CTNNA3: variants seen among roughly 807,000 people sequenced by gnomAD.
CTNNA3 encodes the protein catenin alpha-3.
A neutral mutation model predicts 95.7 loss-of-function variants in CTNNA3; 76 were observed. That is an observed-to-expected ratio of 0.79 (90% CI 0.66 to 0.96). The LOEUF (loss-of-function observed/expected upper bound fraction) is 0.96. CTNNA3 is among the 40% of genes least tolerant of loss of function. The probability of loss-of-function intolerance (pLI) is 0.00; values close to 1 mark genes in which losing one functional copy is unlikely to be tolerated. For missense variants in CTNNA3, 1,191 were observed against 1,089.8 expected (o/e 1.09, Z -1.31); for synonymous variants, 431 against 374.4 (o/e 1.15, Z -1.74).
At chr10:66,407,231 G>T (rs1049659222) in intron 11 of CTNNA3, among the ~76,000 whole-genome samples, 2 of 149,642 alleles carry the variant, frequency 1.3e-5, no homozygotes, top group Non-Finnish European at 3.0e-5. Context: ...AGGAAAGGAA[G>T]ATTTGAGTCA....
At chr10:67,619,732 C>T (rs1180999600) in intron 2 of CTNNA3, among the ~76,000 whole-genome samples, 2 of 152,140 alleles carry the variant, frequency 1.3e-5, no homozygotes, top group Admixed American at 6.5e-5. Flanking sequence ...GCTGTAATGG[C>T]TCTCAACTAA....
At chr10:66,106,344 TGTGTGTGTG>T in intron 13 of CTNNA3, among the ~76,000 whole-genome samples, 1 of 22,894 alleles carries the variant, frequency 4.4e-5, no homozygotes, top group Non-Finnish European at 9.5e-5. Context: ...TGTTTGTGTG[TGTGTGTGTG>T]TGTGTGTGTG....
At chr10:66,227,776 G>A (rs947579157) in intron 13 of CTNNA3, among the ~76,000 whole-genome samples, 1 of 152,064 alleles carries the variant, frequency 6.6e-6, no homozygotes, top group Non-Finnish European at 1.5e-5. Context: ...GTAGAATTTA[G>A]CAGTGAAGTC....
chr10:67,062,012 A>G (rs1316704961), intron 7 of CTNNA3, among the ~76,000 whole-genome samples: 1 of 152,200 alleles, frequency 6.6e-6, no homozygotes, highest in Admixed American at 6.5e-5. Flanking sequence ...CCCCAAAACC[A>G]TAGTATAACC....
rs34263718 is a variant in CTNNA3, at chr10:66,373,601, T to TAAAA, written c.1732+5547_1732+5550dup. On this transcript the variant is annotated intron_variant, in intron 12 of 17. Coordinates refer to ENST00000433211, the MANE Select transcript of CTNNA3 (RefSeq NM_013266.4). ...TCTTGTTAATGCTCTCTAATTGTGT[T>TAAAA]AAAAAAAAAAAAGAGTTATATTAAC... Among the ~76,000 whole-genome samples, 640 of 148,390 alleles carry TAAAA rather than the reference T, an allele frequency of 4.3e-3. 4 individuals carry two copies. The highest frequency in any genetic ancestry group is 0.014 in the African/African-American group (588 of 40,700).
chr10:67,591,037 A>C (rs1232386740), intron 3 of CTNNA3, among the ~76,000 whole-genome samples: 1 of 152,156 alleles, frequency 6.6e-6, no homozygotes, highest in African/African-American at 2.4e-5. Context: ...TTTGACATTT[A>C]GATCCTAAGT....
chr10:67,490,488 C>T (rs533052402), intron 5 of CTNNA3, among the ~76,000 whole-genome samples: 6 of 152,232 alleles, frequency 3.9e-5, no homozygotes, highest in Non-Finnish European at 8.8e-5. Context: ...TCAAATTACA[C>T]GTGAATAAAA....
intron 5 of CTNNA3, among the ~76,000 whole-genome samples, chr10:67,326,855 C>A (rs1841559400): frequency 6.6e-6 from 1 of 152,102 alleles, no homozygotes; most frequent in Non-Finnish European, 1.5e-5. Flanking sequence ...CTTTCAGGGA[C>A]AAAAATGAGT....
Position 66,981,845 on chromosome 10 carries a change from T to C in CTNNA3, c.1047+198472A>G, listed in dbSNP as rs80053286. 1.3e-4 allele frequency among the ~76,000 whole-genome samples: 20 copies of C among 152,330 alleles called. No individual in the cohort carries two copies. The East Asian group carries it at 3.7e-3, about 28-fold the overall frequency. ...CATCGAGCACATTGCATCATCTTCC[T>C]GCTGCTGCAGTGTTCTATAATTTTC... On this transcript the variant is annotated intron_variant, in intron 7 of 17. Coordinates refer to ENST00000433211, the MANE Select transcript of CTNNA3 (RefSeq NM_013266.4).
intron 7 of CTNNA3, among the ~76,000 whole-genome samples, chr10:67,026,826 A>G (rs1853420565): frequency 6.6e-6 from 1 of 152,228 alleles, no homozygotes; most frequent in Non-Finnish European, 1.5e-5. Flanking sequence ...TGTGTTAATT[A>G]AAAGAGTTCA....
At chr10:67,605,138 A>G (rs1843220612) in intron 3 of CTNNA3, among the ~76,000 whole-genome samples, 1 of 152,170 alleles carries the variant, frequency 6.6e-6, no homozygotes, top group Non-Finnish European at 1.5e-5. Flanking sequence ...AAAACAACCT[A>G]AGCATCCATC....
intron 10 of CTNNA3, among the ~76,000 whole-genome samples, chr10:66,541,941 G>A (rs887565237): frequency 6.6e-6 from 1 of 152,098 alleles, no homozygotes; most frequent in African/African-American, 2.4e-5. Context: ...TACCATCAGA[G>A]TGAACAGGCA....
chr10:66,422,623 A>G (rs750832651), intron 11 of CTNNA3, among the ~76,000 whole-genome samples: 14 of 152,056 alleles, frequency 9.2e-5, no homozygotes, highest in Non-Finnish European at 2.1e-4. Context: ...CTGGCATGCA[A>G]CTGTAGGATG....
chr10:67,039,797 C>T (rs1463620925), intron 7 of CTNNA3, among the ~76,000 whole-genome samples: 1 of 152,092 alleles, frequency 6.6e-6, no homozygotes, highest in African/African-American at 2.4e-5. Flanking sequence ...CAGAAATCAG[C>T]ACTGCTTTGT....
At chr10:66,131,805 G>A (rs889507064) in intron 13 of CTNNA3, among the ~76,000 whole-genome samples, 1 of 152,112 alleles carries the variant, frequency 6.6e-6, no homozygotes, top group African/African-American at 2.4e-5. Context: ...ATGGGGAAAG[G>A]ACTCCCTATT....
chr10:67,651,727 T>C (rs1839883316), intron 1 of CTNNA3, among the ~76,000 whole-genome samples: 1 of 152,162 alleles, frequency 6.6e-6, no homozygotes, highest in Non-Finnish European at 1.5e-5. Flanking sequence ...TTTAATGAAA[T>C]AGAAACACCC....
At chr10:67,651,543 G>A (rs1408478676) in intron 1 of CTNNA3, among the ~76,000 whole-genome samples, 1 of 152,184 alleles carries the variant, frequency 6.6e-6, no homozygotes, top group Non-Finnish European at 1.5e-5. Context: ...GTGAAGGCCA[G>A]ACATAAAACC....
Position 66,880,720 on chromosome 10 carries a change from G to GT in CTNNA3, c.1048-105197dup, listed in dbSNP as rs754169824. Reference sequence around the variant, plus strand: ...TTGTGTTTCATTAGATTAACTGTGGGTTTTTTAATCATAATATTAATTAAG... The same window carrying GT: ...TTGTGTTTCATTAGATTAACTGTGGGTTTTTTTAATCATAATATTAATTAAG... On this transcript the variant is annotated intron_variant, in intron 7 of 17. Coordinates refer to ENST00000433211, the MANE Select transcript of CTNNA3 (RefSeq NM_013266.4). Among the ~76,000 whole-genome samples the GT allele has an allele frequency of 9.9e-5, 15 of 152,164 alleles. No individual in the cohort carries two copies. The East Asian group carries it at 1.2e-3, about 12-fold the overall frequency.
At chr10:66,972,497 T>C (rs997280165) in intron 7 of CTNNA3, among the ~76,000 whole-genome samples, 2 of 152,150 alleles carry the variant, frequency 1.3e-5, no homozygotes, top group South Asian at 4.2e-4. Context: ...TTCCTCTTAC[T>C]TCTGCATAAA....
Sources: gnomAD v4.1 joint callset for allele counts (sites outside exome capture counted in the v4.1 genomes callset) on GRCh38, gnomAD v4.1.1 for gene constraint, MANE v1.5 for transcripts, NCBI Gene and HGNC (gene_info 2026-07-23, HGNC 2026-07-21) for gene names.